CTNND2: variants seen among roughly 807,000 people sequenced by gnomAD.
CTNND2 encodes the protein catenin delta 2, also known as catenin delta-2.
Under a neutral mutation model 144.4 loss-of-function variants are expected in CTNND2, and 22 were observed. The observed-to-expected ratio is 0.15, with a 90% confidence interval of 0.11 to 0.22. The LOEUF is 0.22. Ranked by LOEUF, CTNND2 falls within the 10% of genes least tolerant of loss-of-function variation. The pLI is 1.00. For missense variants in CTNND2, 1,353 were observed against 1,618.8 expected (o/e 0.84, Z 2.82); for synonymous variants, 751 against 695.6 (o/e 1.08, Z -1.25).
chr5:11,080,588 G>T (rs563432751), intron 16 of CTNND2, among the ~76,000 whole-genome samples: 3 of 151,936 alleles, frequency 2.0e-5, no homozygotes, highest in African/African-American at 7.3e-5. Context: ...GTCCATCAAT[G>T]GATAAATGAA....
intron 11 of CTNND2, among the ~76,000 whole-genome samples, chr5:11,168,004 C>T (rs1319834307): frequency 1.3e-5 from 2 of 152,000 alleles, no homozygotes; most frequent in Admixed American, 6.6e-5. Context: ...CTATGCCTGA[C>T]CCTCACCTAA....
At chr5:11,870,132 G>A (rs1013400493) in intron 1 of CTNND2, among the ~76,000 whole-genome samples, 1 of 152,176 alleles carries the variant, frequency 6.6e-6, no homozygotes, top group Non-Finnish European at 1.5e-5. Flanking sequence ...ATAGCACTGC[G>A]ATAGGGGTTG....
intron 9 of CTNND2, among the ~76,000 whole-genome samples, chr5:11,282,104 C>A (rs573934828): frequency 6.6e-6 from 1 of 151,870 alleles, no homozygotes; most frequent in Non-Finnish European, 1.5e-5. Context: ...CACGGTGGTT[C>A]GCTACCATGG....
At chr5:11,569,105 T>C (rs1056688006) in intron 2 of CTNND2, among the ~76,000 whole-genome samples, 1 of 152,254 alleles carries the variant, frequency 6.6e-6, no homozygotes, top group Middle Eastern at 3.4e-3. Context: ...TCCTGGGTAA[T>C]TCTGGTGGAG....
At chr5:11,060,047 A>C (rs1283597945) in intron 16 of CTNND2, among the ~76,000 whole-genome samples, 1 of 152,094 alleles carries the variant, frequency 6.6e-6, no homozygotes, top group African/African-American at 2.4e-5. Context: ...TAGATTTATA[A>C]CTTCTGGGAG....
intron 9 of CTNND2, among the ~76,000 whole-genome samples, chr5:11,275,203 C>G (rs1306320012): frequency 1.3e-5 from 2 of 152,228 alleles, no homozygotes; most frequent in Middle Eastern, 6.8e-3. Flanking sequence ...GCTACTAATG[C>G]CAGCACTTTA....
chr5:11,457,547 C>T (rs536227563), intron 3 of CTNND2, among the ~76,000 whole-genome samples: 4 of 152,294 alleles, frequency 2.6e-5, no homozygotes, highest in Non-Finnish European at 5.9e-5. Context: ...GGCCAGGACT[C>T]TCCACTCCAT....
chr5:11,034,950 C>A (rs1192582035), intron 16 of CTNND2, among the ~76,000 whole-genome samples: 1 of 151,356 alleles, frequency 6.6e-6, no homozygotes, highest in East Asian at 1.9e-4. Context: ...TATACATGTG[C>A]CATGCTGGTG....
At chr5:11,420,080 T>A (rs371000625) in intron 3 of CTNND2, among the ~76,000 whole-genome samples, 18 of 152,088 alleles carry the variant, frequency 1.2e-4, no homozygotes, top group African/African-American at 4.3e-4. Flanking sequence ...ATCCCACAAG[T>A]TTGGGAGGCC....
chr5:11,328,801 G>T (rs1201336429), intron 9 of CTNND2, among the ~76,000 whole-genome samples: 1 of 152,196 alleles, frequency 6.6e-6, no homozygotes. Context: ...AGACAGCTCT[G>T]CCAAGAGCAG....
chr5:11,038,941 G>A (rs948794055), intron 16 of CTNND2, among the ~76,000 whole-genome samples: 5 of 152,166 alleles, frequency 3.3e-5, no homozygotes, highest in Non-Finnish European at 5.9e-5. Context: ...GGGGCAGAAC[G>A]TCAGCATTAT....
At chr5:11,228,353 CAAAAA>C (rs564048343) in intron 10 of CTNND2, among the ~76,000 whole-genome samples, 42 of 26,732 alleles carry the variant, frequency 1.6e-3, no homozygotes, top group African/African-American at 4.4e-3. Flanking sequence ...CTCTCTCTCT[CAAAAA>C]AAAAAAAAAA....
chr5:11,393,849 G>A (rs10043195), intron 6 of CTNND2, among the ~76,000 whole-genome samples: 1,991 of 152,000 alleles, frequency 0.013, 36 homozygotes, highest in African/African-American at 0.043. Context: ...AGATCATGTC[G>A]TTCCTCTGCT....
chr5:11,078,501 G>T lies in CTNND2; in HGVS notation c.2788+4195C>A, dbSNP rs61750277. Among the ~76,000 whole-genome samples, 55 of 152,248 alleles carry T rather than the reference G, an allele frequency of 3.6e-4. 2 individuals carry two copies. The East Asian group carries it at 0.01, about 29-fold the overall frequency. On this transcript the variant is annotated intron_variant, in intron 16 of 21. Coordinates refer to ENST00000304623, the MANE Select transcript of CTNND2 (RefSeq NM_001332.4). ...TTTCGTTGAACACAGGCAGTATAGT[G>T]GTCTAAATATTCCTGTCTCCGAGAG...
chr5:11,090,594 CTT>C (rs1750668558), intron 15 of CTNND2, among the ~76,000 whole-genome samples: 1 of 152,146 alleles, frequency 6.6e-6, no homozygotes, highest in Non-Finnish European at 1.5e-5. Context: ...CCTCATGAGA[CTT>C]TAATTCCTGA....
intron 3 of CTNND2, among the ~76,000 whole-genome samples, chr5:11,489,141 T>A (rs1389853117): frequency 6.6e-6 from 1 of 152,178 alleles, no homozygotes; most frequent in Non-Finnish European, 1.5e-5. Context: ...TTTTCCACAG[T>A]CTATAGTATT....
chr5:11,895,847 A>C (rs762295060), intron 1 of CTNND2, among the ~76,000 whole-genome samples: 19 of 152,214 alleles, frequency 1.2e-4, no homozygotes, highest in Non-Finnish European at 1.9e-4. Flanking sequence ...ACAAATTAGA[A>C]AATATTTAAC....
intron 2 of CTNND2, among the ~76,000 whole-genome samples, chr5:11,608,453 C>T (rs1780168545): frequency 6.6e-6 from 1 of 152,126 alleles, no homozygotes; most frequent in East Asian, 1.9e-4. Context: ...TCCACCTTTC[C>T]TCTCTCCCAG....
intron 3 of CTNND2, among the ~76,000 whole-genome samples, chr5:11,561,394 A>C (rs1018319467): frequency 3.3e-5 from 5 of 152,250 alleles, no homozygotes; most frequent in Admixed American, 3.3e-4. Context: ...TAAGGTACAA[A>C]GTAAACCTTT....
Sources: gnomAD v4.1 joint callset for allele counts (sites outside exome capture counted in the v4.1 genomes callset) on GRCh38, gnomAD v4.1.1 for gene constraint, MANE v1.5 for transcripts, NCBI Gene and HGNC (gene_info 2026-07-23, HGNC 2026-07-21) for gene names.